The following PCDH15 variants were observed in gnomAD, a reference collection of about 807,000 sequenced individuals.
PCDH15 encodes the protein protocadherin related 15.
A neutral mutation model predicts 178.5 loss-of-function variants in PCDH15; 129 were observed. The ratio of observed to expected loss-of-function variants is 0.72; its 90% confidence interval spans 0.63 to 0.84. The LOEUF (loss-of-function observed/expected upper bound fraction) is 0.84. Ranked by LOEUF, PCDH15 falls within the 40% of genes least tolerant of loss-of-function variation. The probability of loss-of-function intolerance (pLI) is 0.00; values close to 1 mark genes in which losing one functional copy is unlikely to be tolerated. For missense variants in PCDH15, 2,230 were observed against 2,099.9 expected (o/e 1.06, Z -1.21); for synonymous variants, 800 against 732.0 (o/e 1.09, Z -1.50).
At chr10:54,153,766 T>C (rs2044808818) in intron 13 of PCDH15, among the ~76,000 whole-genome samples, 1 of 152,146 alleles carries the variant, frequency 6.6e-6, no homozygotes, top group African/African-American at 2.4e-5. Context: ...TCCATAATGT[T>C]CTCCTCCCTG....
chr10:54,655,214 A>AAGGAAGGG (rs368090489), intron 2 of PCDH15, among the ~76,000 whole-genome samples: 58 of 142,884 alleles, frequency 4.1e-4, no homozygotes, highest in African/African-American at 1.4e-3. Flanking sequence ...CGTCAAAAAA[A>AAGGAAGGG]AGGAAGGGAG....
chr10:53,887,746 G>A (rs2081198877), intron 26 of PCDH15, among the ~76,000 whole-genome samples: 1 of 152,064 alleles, frequency 6.6e-6, no homozygotes, highest in Non-Finnish European at 1.5e-5. Context: ...AAAATTAGCC[G>A]GGCGTGGTGG....
chr10:55,467,214 C>A (rs1192876913), intron 2 of PCDH15, among the ~76,000 whole-genome samples: 1 of 152,030 alleles, frequency 6.6e-6, no homozygotes, highest in Non-Finnish European at 1.5e-5. Context: ...AAAATGAAAT[C>A]AAAAACCAAA....
chr10:54,955,051 A>G (rs1179689212), intron 2 of PCDH15, among the ~76,000 whole-genome samples: 2 of 151,240 alleles, frequency 1.3e-5, no homozygotes, highest in Non-Finnish European at 3.0e-5. Flanking sequence ...AAGTATTAAT[A>G]TAATTCATTA....
chr10:55,342,313 C>A (rs1010023661), intron 2 of PCDH15, among the ~76,000 whole-genome samples: 4 of 151,650 alleles, frequency 2.6e-5, no homozygotes, highest in Non-Finnish European at 4.4e-5. Flanking sequence ...AAAGCACATA[C>A]AATGTTATAA....
chr10:53,901,531 T>C (rs1267845345), intron 26 of PCDH15, among the ~76,000 whole-genome samples: 3 of 152,174 alleles, frequency 2.0e-5, no homozygotes, highest in Non-Finnish European at 4.4e-5. Flanking sequence ...AAACACTGTG[T>C]TACCCATTCC....
intron 3 of PCDH15, among the ~76,000 whole-genome samples, chr10:54,466,542 G>T (rs1247941929): frequency 6.6e-6 from 1 of 151,846 alleles, no homozygotes; most frequent in Non-Finnish European, 1.5e-5. Flanking sequence ...CTGTATGTCT[G>T]TTTTTGTATC....
intron 8 of PCDH15, among the ~76,000 whole-genome samples, chr10:54,291,514 A>G (rs2059402881): frequency 6.6e-6 from 1 of 152,202 alleles, no homozygotes; most frequent in African/African-American, 2.4e-5. Flanking sequence ...AAACCCTCCA[A>G]AAATCAGTGA....
intron 9 of PCDH15, among the ~76,000 whole-genome samples, chr10:54,229,290 C>T (rs561148897): frequency 6.6e-6 from 1 of 152,022 alleles, no homozygotes; most frequent in African/African-American, 2.4e-5. Flanking sequence ...ATATATAATA[C>T]AATTAATCAT....
chr10:55,440,037 T>C (rs1839142069), intron 2 of PCDH15, among the ~76,000 whole-genome samples: 2 of 152,176 alleles, frequency 1.3e-5, no homozygotes, highest in South Asian at 2.1e-4. Context: ...ACAAAATGTG[T>C]TGTTATTGGC....
chr10:55,493,265 A>T (rs953489892), intron 2 of PCDH15, among the ~76,000 whole-genome samples: 1 of 151,694 alleles, frequency 6.6e-6, no homozygotes, highest in African/African-American at 2.4e-5. Context: ...TTAAAAAAAA[A>T]AAAAGCTAGG....
chr10:55,020,072 G>C (rs972148726), intron 2 of PCDH15, among the ~76,000 whole-genome samples: 3 of 149,710 alleles, frequency 2.0e-5, no homozygotes, highest in African/African-American at 7.3e-5. Flanking sequence ...GAAAATCGTA[G>C]TGGATTAATA....
intron 1 of PCDH15, among the ~76,000 whole-genome samples, chr10:55,233,595 C>T (rs1341827546): frequency 6.6e-6 from 1 of 151,804 alleles, no homozygotes; most frequent in African/African-American, 2.4e-5. Context: ...TTTGAGTAAA[C>T]TTTACCATTT....
intron 8 of PCDH15, among the ~76,000 whole-genome samples, chr10:54,268,767 T>C (rs957780990): frequency 3.9e-5 from 6 of 151,926 alleles, no homozygotes; most frequent in African/African-American, 1.4e-4. Context: ...ATAATTACAG[T>C]TCTAATAAGA....
chr10:55,183,152 CT>C (rs1289912842), intron 1 of PCDH15, among the ~76,000 whole-genome samples: 1 of 151,930 alleles, frequency 6.6e-6, no homozygotes, highest in Non-Finnish European at 1.5e-5. Context: ...ATGTCAAAAT[CT>C]ATTCAGTTTT....
intron 3 of PCDH15, among the ~76,000 whole-genome samples, chr10:54,414,152 C>G (rs2135693931): frequency 6.6e-6 from 1 of 152,116 alleles, no homozygotes; most frequent in East Asian, 1.9e-4. Context: ...TAATTTGAAA[C>G]CATGTACTCA....
chr10:53,860,321 G>A (rs1376272269), intron 27 of PCDH15, among the ~76,000 whole-genome samples: 3 of 152,086 alleles, frequency 2.0e-5, no homozygotes, highest in African/African-American at 7.2e-5. Context: ...TAGTTTAGTG[G>A]AGCCATATGA....
intron 15 of PCDH15, among the ~76,000 whole-genome samples, chr10:54,118,959 G>T (rs2095166839): frequency 6.6e-6 from 1 of 152,026 alleles, no homozygotes; most frequent in Non-Finnish European, 1.5e-5. Flanking sequence ...TCCCACGATG[G>T]TGTCCAGTTG....
chr10:55,433,670 G>GT (rs1838946665), intron 2 of PCDH15, among the ~76,000 whole-genome samples: 1 of 133,506 alleles, frequency 7.5e-6, no homozygotes. Flanking sequence ...ATAATCCAAT[G>GT]TATCATTCAT....
Sources: gnomAD v4.1 joint callset for allele counts (sites outside exome capture counted in the v4.1 genomes callset) on GRCh38, gnomAD v4.1.1 for gene constraint, MANE v1.5 for transcripts, NCBI Gene and HGNC (gene_info 2026-07-23, HGNC 2026-07-21) for gene names.